NEK11: variants seen among roughly 807,000 people sequenced by gnomAD.
NEK11 encodes NIMA related kinase 11, also known as serine/threonine-protein kinase Nek11.
NEK11 carries 72 observed loss-of-function variants against 80.7 expected under a neutral mutation model. The observed-to-expected ratio is 0.89, with a 90% CI of 0.74 to 1.08. The LOEUF is 1.08. NEK11 is among the 50% of genes least tolerant of loss of function. The probability of loss-of-function intolerance (pLI) is 0.00; values close to 1 mark genes in which losing one functional copy is unlikely to be tolerated. For missense variants in NEK11, 764 were observed against 763.6 expected (o/e 1.00, Z -0.01); for synonymous variants, 251 against 260.7 (o/e 0.96, Z 0.36).
At position 131,273,556 on chromosome 3, in the gene NEK11, A is replaced by G. The variant is rs748176539; in HGVS notation, c.1700A>G (p.Lys567Arg). 2.5e-6 allele frequency: 4 copies of G among 1,613,742 alleles called. No individual in the cohort carries two copies. The highest frequency in any genetic ancestry group is 2.2e-5 in the South Asian group (2 of 91,082). Residue 567 changes from lysine to arginine, a missense_variant, in exon 17 of 18, where the codon AAG becomes AGG. Physicochemically the swap from Lys to Arg is conservative, Grantham distance 26 (BLOSUM62 2). Transcript: ENST00000383366. ...TTCAACAGTGTGATGGCCAGGACCA[A>G]GATGAAACGCATGAGGGAGTAAGTA... The part of the protein sequence containing the change: ...PIFNSVMART[K>R]MKRMRESAMQ...
chr3:131,347,375 T>C (rs916479401), intron 17 of NEK11, among the ~76,000 whole-genome samples: 3 of 152,348 alleles, frequency 2.0e-5, no homozygotes, highest in East Asian at 1.9e-4. Context: ...TAAAGGGCTA[T>C]AGAAATGTTA....
At chr3:131,347,487 C>T (rs1392046540) in intron 17 of NEK11, among the ~76,000 whole-genome samples, 1 of 152,166 alleles carries the variant, frequency 6.6e-6, no homozygotes, top group Non-Finnish European at 1.5e-5. Context: ...ATACGTAACA[C>T]ATATCCTATG....
chr3:131,197,893 A>G (rs1019561152), intron 14 of NEK11, among the ~76,000 whole-genome samples: 1 of 151,646 alleles, frequency 6.6e-6, no homozygotes, highest in African/African-American at 2.4e-5. Context: ...GTTCCCTTCT[A>G]TTTCCCTTTC....
In NEK11 at chr3:131,302,200, T is replaced by C. The variant is rs188422911; in HGVS notation, c.1718+28626T>C. On this transcript the variant is annotated intron_variant, in intron 17 of 17. Coordinates refer to ENST00000383366, the MANE Select transcript of NEK11 (RefSeq NM_024800.5). ...TTTTTTATTTCTATAGGGTTGGTGG[T>C]AATGTCCGATTTGTTATTTCTAATT... Among the ~76,000 whole-genome samples, 12 of 152,234 alleles carry C rather than the reference T, an allele frequency of 7.9e-5. No homozygotes were observed. The East Asian group carries it at 2.1e-3, about 27-fold the overall frequency.
chr3:131,086,666 G>A (rs2076018305), intron 4 of NEK11, among the ~76,000 whole-genome samples: 1 of 152,158 alleles, frequency 6.6e-6, no homozygotes, highest in Non-Finnish European at 1.5e-5. Flanking sequence ...CCCAGAAAGT[G>A]GAGTGATTTT....
intron 15 of NEK11, among the ~76,000 whole-genome samples, chr3:131,233,033 G>GT (rs1279125107): frequency 4.1e-5 from 6 of 145,572 alleles, no homozygotes; most frequent in Admixed American, 4.1e-4. Flanking sequence ...AGGAAGGAAG[G>GT]AAGGTTGGAT....
chr3:131,338,391 T>G (rs779365987), intron 17 of NEK11, among the ~76,000 whole-genome samples: 1 of 151,874 alleles, frequency 6.6e-6, no homozygotes, highest in Non-Finnish European at 1.5e-5. Flanking sequence ...GTTGAGTGGT[T>G]TCTTCACACT....
intron 5 of NEK11, among the ~76,000 whole-genome samples, chr3:131,119,238 A>G (rs555239510): frequency 2.4e-4 from 36 of 152,318 alleles, no homozygotes; most frequent in Admixed American, 2.1e-3. Flanking sequence ...CGCAGTAGTC[A>G]TTCAAGAGCA....
At chr3:131,311,711 G>A (rs939136387) in intron 17 of NEK11, among the ~76,000 whole-genome samples, 6 of 152,194 alleles carry the variant, frequency 3.9e-5, no homozygotes, top group African/African-American at 9.7e-5. Context: ...GGCAGCTGAC[G>A]TTTGCCGCTT....
intron 16 of NEK11, among the ~76,000 whole-genome samples, chr3:131,244,864 C>T (rs182433825): frequency 9.9e-5 from 15 of 152,110 alleles, no homozygotes; most frequent in African/African-American, 3.1e-4. Flanking sequence ...ATTTAGGCTG[C>T]GGTGAGTTGT....
chr3:131,264,049 T>C lies in NEK11; in HGVS notation c.1622-9429T>C, dbSNP rs574283010. Among the ~76,000 whole-genome samples the C allele has an allele frequency of 2.2e-3, 337 of 152,364 alleles. 3 individuals carry two copies. Among genetic ancestry groups the C allele is most frequent in the African/African-American group, 6.5e-3 (270 of 41,582 alleles). On this transcript the variant is annotated intron_variant, in intron 16 of 17. Coordinates refer to ENST00000383366, the MANE Select transcript of NEK11 (RefSeq NM_024800.5). Reference sequence around the variant, plus strand: ...TCTGTTCATATACTTTGCCCACTTTTTGATGGGGTTGTTTGATTTTTTCTT... The same window carrying C: ...TCTGTTCATATACTTTGCCCACTTTCTGATGGGGTTGTTTGATTTTTTCTT...
At chr3:131,028,458 C>T (rs948937748) in intron 2 of NEK11, among the ~76,000 whole-genome samples, 1 of 152,190 alleles carries the variant, frequency 6.6e-6, no homozygotes, top group Non-Finnish European at 1.5e-5. Context: ...CAAAAGCACA[C>T]TTTTCTTGAT....
chr3:131,205,426 A>G (rs1052586405), intron 14 of NEK11, among the ~76,000 whole-genome samples: 4 of 152,154 alleles, frequency 2.6e-5, no homozygotes, highest in African/African-American at 9.7e-5. Context: ...ATAGGAATCA[A>G]GTGTCAGGAA....
intron 17 of NEK11, among the ~76,000 whole-genome samples, chr3:131,278,659 G>A (rs911700553): frequency 7.2e-5 from 11 of 152,138 alleles, no homozygotes; most frequent in South Asian, 6.2e-4. Flanking sequence ...ATGACGGCTC[G>A]TCAGCTTTCA....
At chr3:131,258,575 C>T (rs924855659) in intron 16 of NEK11, among the ~76,000 whole-genome samples, 1 of 152,182 alleles carries the variant, frequency 6.6e-6, no homozygotes, top group Admixed American at 6.6e-5. Flanking sequence ...TAGCCTGTAT[C>T]CACATTTAAT....
intron 14 of NEK11, among the ~76,000 whole-genome samples, chr3:131,186,537 C>T (rs190883869): frequency 6.6e-6 from 1 of 152,238 alleles, no homozygotes; most frequent in East Asian, 1.9e-4. Context: ...ATCAGGGATA[C>T]CACTGTTATA....
At chr3:131,274,768 C>T (rs1001667968) in intron 17 of NEK11, among the ~76,000 whole-genome samples, 1 of 150,176 alleles carries the variant, frequency 6.7e-6, no homozygotes, top group African/African-American at 2.4e-5. Flanking sequence ...ATTCTCCTGC[C>T]TCAGCCTCCC....
At chr3:131,209,572 C>T (rs1560982707) in intron 14 of NEK11, among the ~76,000 whole-genome samples, 1 of 152,156 alleles carries the variant, frequency 6.6e-6, no homozygotes. Flanking sequence ...ACCAGCTCCT[C>T]TTTGTACCTC....
At chr3:131,255,090 A>AAGAG (rs2095788643) in intron 16 of NEK11, among the ~76,000 whole-genome samples, 1 of 128,640 alleles carries the variant, frequency 7.8e-6, no homozygotes, top group African/African-American at 2.7e-5. Flanking sequence ...GAAAGAAAGA[A>AAGAG]AGAAAGAAAG....
Sources: gnomAD v4.1 joint callset for allele counts (sites outside exome capture counted in the v4.1 genomes callset) on GRCh38, gnomAD v4.1.1 for gene constraint, MANE v1.5 for transcripts, NCBI Gene and HGNC (gene_info 2026-07-23, HGNC 2026-07-21) for gene names.